GABRB1: variants seen among roughly 807,000 people sequenced by gnomAD.
The protein encoded by GABRB1 is gamma-aminobutyric acid receptor subunit beta-1.
Under a neutral mutation model 51.6 loss-of-function variants are expected in GABRB1, and 17 were observed. The observed-to-expected ratio is 0.33, with a 90% confidence interval of 0.23 to 0.49. The LOEUF (loss-of-function observed/expected upper bound fraction) is 0.49, where lower values mean the gene tolerates loss of function less well. GABRB1 is among the 20% of genes least tolerant of loss of function. The pLI, the probability that GABRB1 is intolerant of heterozygous loss-of-function variation, is 0.99. For missense variants in GABRB1, 410 were observed against 600.6 expected, an observed-to-expected ratio of 0.68 and a Z score of 3.32; for synonymous variants, 247 against 218.9, an observed-to-expected ratio of 1.13 and a Z score of -1.14.
At chr4:47,230,901 A>T (rs1721118152) in intron 4 of GABRB1, among the ~76,000 whole-genome samples, 1 of 152,146 alleles carries the variant, frequency 6.6e-6, no homozygotes, top group African/African-American at 2.4e-5. Flanking sequence ...ACCCAGAGAA[A>T]GGTAGTCAAA....
chr4:47,142,581 A>G (rs987786701), intron 3 of GABRB1, among the ~76,000 whole-genome samples: 3 of 151,946 alleles, frequency 2.0e-5, no homozygotes, highest in Non-Finnish European at 4.4e-5. Flanking sequence ...CCGATGTGAA[A>G]AATGAGTTTG....
At chr4:47,386,065 A>G (rs948612957) in intron 5 of GABRB1, among the ~76,000 whole-genome samples, 1 of 152,290 alleles carries the variant, frequency 6.6e-6, no homozygotes, top group East Asian at 1.9e-4. Flanking sequence ...TGGAAGTTTC[A>G]TCACATAGGC....
intron 4 of GABRB1, among the ~76,000 whole-genome samples, chr4:47,218,159 A>G (rs1720629855): frequency 6.6e-6 from 1 of 151,864 alleles, no homozygotes; most frequent in Non-Finnish European, 1.5e-5. Flanking sequence ...GCTGCAAATG[A>G]CAGGATTTCA....
chr4:47,123,532 TTCATATATTATAATATA>T lies in GABRB1; in HGVS notation c.241-37715_241-37699del, dbSNP rs1266924974. ...TATATATTATAATATATTACATTAT[TTCATATATTATAATATA>T]TTATATATTATAATATATTACATTA... is the stretch of plus-strand genomic sequence containing the variant. On this transcript the variant is annotated intron_variant, in intron 3 of 8. Transcript: ENST00000295454. 1.5e-4 allele frequency among the ~76,000 whole-genome samples: 13 copies of T among 85,538 alleles called. 1 individual carries two copies. In the East Asian group the frequency reaches 2.3e-3, roughly 15 times the overall value. The allele number at this position is 85,538 out of a possible 152,430, so 56.1% of individuals were successfully genotyped here.
chr4:47,093,688 G>T (rs551413013), intron 3 of GABRB1, among the ~76,000 whole-genome samples: 1 of 152,274 alleles, frequency 6.6e-6, no homozygotes, highest in South Asian at 2.1e-4. Context: ...TGTTAAGTAG[G>T]AAGTTTGGGA....
At chr4:47,418,501 A>T (rs1728999026) in intron 8 of GABRB1, among the ~76,000 whole-genome samples, 1 of 152,218 alleles carries the variant, frequency 6.6e-6, no homozygotes. Flanking sequence ...TACTTACAGT[A>T]ACTGTAAATG....
chr4:47,328,284 T>C (rs1345991094), intron 5 of GABRB1, among the ~76,000 whole-genome samples: 1 of 152,204 alleles, frequency 6.6e-6, no homozygotes, highest in African/African-American at 2.4e-5. Flanking sequence ...CTGATGGTAG[T>C]TTCTTTTGCT....
chr4:47,085,686 A>C (rs957862229), intron 3 of GABRB1, among the ~76,000 whole-genome samples: 8 of 152,230 alleles, frequency 5.3e-5, no homozygotes, highest in Non-Finnish European at 8.8e-5. Context: ...GTGTCTTAAA[A>C]CAATGATGAT....
Position 47,094,469 on chromosome 4 carries a change from C to T in GABRB1, c.240+61985C>T, listed in dbSNP as rs535577542. On this transcript the variant is annotated intron_variant, in intron 3 of 8. Coordinates refer to ENST00000295454, the MANE Select transcript of GABRB1 (RefSeq NM_000812.4). ...TGATCTCTTCACCTTGTGATCCACC[C>T]GCCTCGGCCTCCCAAAGTACTGGGA... Among the ~76,000 whole-genome samples, 5 of 151,944 alleles carry T rather than the reference C, an allele frequency of 3.3e-5. No individual in the cohort carries two copies. The South Asian group carries it at 6.2e-4, about 19-fold the overall frequency.
chr4:47,028,252 T>C (rs979357367), upstream of GABRB1, among the ~76,000 whole-genome samples: 1 of 151,892 alleles, frequency 6.6e-6, no homozygotes. Flanking sequence ...GATATAGATA[T>C]GTTACGTGAA....
intron 1 of GABRB1, among the ~76,000 whole-genome samples, chr4:47,014,194 T>C (rs1409803873): frequency 1.3e-5 from 2 of 152,184 alleles, no homozygotes; most frequent in Non-Finnish European, 2.9e-5. Flanking sequence ...CCATATATTA[T>C]TGGAACTGGT....
intron 4 of GABRB1, among the ~76,000 whole-genome samples, chr4:47,161,787 C>A (rs1190356995): frequency 1.3e-5 from 2 of 151,970 alleles, no homozygotes; most frequent in Non-Finnish European, 2.9e-5. Context: ...CAGATGAAAC[C>A]TATATATTCA....
chr4:47,045,736 C>A (rs1231103810), intron 3 of GABRB1, among the ~76,000 whole-genome samples: 1 of 152,048 alleles, frequency 6.6e-6, no homozygotes, highest in Admixed American at 6.6e-5. Context: ...GCCCCCACAA[C>A]CTAATAACCT....
intron 3 of GABRB1, among the ~76,000 whole-genome samples, chr4:47,080,816 A>G (rs1434981615): frequency 1.3e-5 from 2 of 152,176 alleles, no homozygotes; most frequent in Non-Finnish European, 2.9e-5. Flanking sequence ...TGTTTAGGCT[A>G]AGAGAGGAGC....
chr4:47,395,857 C>T (rs1272216684), intron 5 of GABRB1, among the ~76,000 whole-genome samples: 3 of 151,782 alleles, frequency 2.0e-5, no homozygotes, highest in Non-Finnish European at 4.4e-5. Context: ...TTCTGTTTTT[C>T]CCAGATTTTT....
At chr4:47,065,731 T>C (rs1727050250) in intron 3 of GABRB1, among the ~76,000 whole-genome samples, 1 of 152,182 alleles carries the variant, frequency 6.6e-6, no homozygotes, top group Non-Finnish European at 1.5e-5. Flanking sequence ...TATGTTTTCA[T>C]GTCCTTAAGG....
At chr4:47,284,895 A>C (rs1277385351) in intron 4 of GABRB1, among the ~76,000 whole-genome samples, 3 of 152,260 alleles carry the variant, frequency 2.0e-5, no homozygotes, top group Admixed American at 6.5e-5. Context: ...TAACTAAAAA[A>C]TAAAAAACAA....
At chr4:47,313,143 AT>A (rs1724767201) in intron 4 of GABRB1, among the ~76,000 whole-genome samples, 1 of 152,162 alleles carries the variant, frequency 6.6e-6, no homozygotes, top group Non-Finnish European at 1.5e-5. Context: ...ATAAATTGGG[AT>A]TATAATGTAA....
chr4:47,170,318 T>G lies in GABRB1; in HGVS notation c.461+8849T>G, dbSNP rs553395052. ...CCTTGGAGAATCATCTCATCTTGCC[T>G]TAGTCTTCATGATAAAGCAAAGTAA... On this transcript the variant is annotated intron_variant, in intron 4 of 8. Transcript: ENST00000295454. Among the ~76,000 whole-genome samples, 4 of 152,088 alleles carry G rather than the reference T, an allele frequency of 2.6e-5. No homozygotes were observed. In the South Asian group the frequency reaches 8.3e-4, roughly 32 times the overall value.
Sources: gnomAD v4.1 joint callset for allele counts (sites outside exome capture counted in the v4.1 genomes callset) on GRCh38, gnomAD v4.1.1 for gene constraint, MANE v1.5 for transcripts, NCBI Gene and HGNC (gene_info 2026-07-23, HGNC 2026-07-21) for gene names.